FBXL7: variants seen among roughly 807,000 people sequenced by gnomAD.
FBXL7 encodes F-box/LRR-repeat protein 7.
FBXL7 carries 12 observed loss-of-function variants against 38.3 expected under a neutral mutation model. The observed-to-expected ratio is 0.31, with a 90% confidence interval of 0.20 to 0.51. The LOEUF (loss-of-function observed/expected upper bound fraction) is 0.51. FBXL7 is among the 20% of genes least tolerant of loss of function. FBXL7 has a pLI of 0.98. For missense variants in FBXL7, 567 were observed against 676.4 expected (o/e 0.84, Z 1.79); for synonymous variants, 297 against 300.9 (o/e 0.99, Z 0.13).
At chr5:15,560,895 T>G (rs966593102) in intron 1 of FBXL7, among the ~76,000 whole-genome samples, 10 of 152,208 alleles carry the variant, frequency 6.6e-5, no homozygotes, top group African/African-American at 2.4e-4. Context: ...TCATACTGTC[T>G]TCTTTTTGGT....
intron 2 of FBXL7, among the ~76,000 whole-genome samples, chr5:15,744,125 T>C (rs554492955): frequency 6.6e-6 from 1 of 152,354 alleles, no homozygotes; most frequent in South Asian, 2.1e-4. Context: ...GTCTTGGTGA[T>C]TAACATTTGG....
At chr5:15,893,008 C>T (rs531896167) in intron 2 of FBXL7, among the ~76,000 whole-genome samples, 9 of 151,526 alleles carry the variant, frequency 5.9e-5, no homozygotes, top group African/African-American at 9.7e-5. Flanking sequence ...CCCAGCTACT[C>T]GGGAGGCTGA....
chr5:15,838,184 A>T (rs1006407877), intron 2 of FBXL7, among the ~76,000 whole-genome samples: 2 of 152,160 alleles, frequency 1.3e-5, no homozygotes, highest in Non-Finnish European at 2.9e-5. Flanking sequence ...GTTTTAGTCC[A>T]TTCAGGCTGC....
chr5:15,932,416 G>A (rs1742060651), intron 3 of FBXL7, among the ~76,000 whole-genome samples: 1 of 152,156 alleles, frequency 6.6e-6, no homozygotes, highest in Admixed American at 6.5e-5. Flanking sequence ...ATAATGAGAG[G>A]AAGTGGTAAT....
At chr5:15,594,280 G>A (rs935879993) in intron 1 of FBXL7, among the ~76,000 whole-genome samples, 2 of 152,190 alleles carry the variant, frequency 1.3e-5, no homozygotes, top group Non-Finnish European at 1.5e-5. Context: ...CGTGGAGGGC[G>A]GACATATGGT....
intron 2 of FBXL7, among the ~76,000 whole-genome samples, chr5:15,786,247 A>AG (rs1225729175): frequency 2.6e-5 from 4 of 152,098 alleles, no homozygotes; most frequent in Non-Finnish European, 5.9e-5. Flanking sequence ...AGCGTTGGTG[A>AG]GGGGGGTGTT....
chr5:15,505,885 C>T (rs1416701785), intron 1 of FBXL7, among the ~76,000 whole-genome samples: 1 of 152,140 alleles, frequency 6.6e-6, no homozygotes, highest in Non-Finnish European at 1.5e-5. Flanking sequence ...ATGCCTAAAA[C>T]TTGGAGAGTA....
At chr5:15,660,008 G>T (rs989598832) in intron 2 of FBXL7, among the ~76,000 whole-genome samples, 2 of 152,182 alleles carry the variant, frequency 1.3e-5, no homozygotes, top group Non-Finnish European at 2.9e-5. Flanking sequence ...GCATGATAGT[G>T]AATTCCATAC....
At chr5:15,508,650 G>A (rs1388267947) in intron 1 of FBXL7, among the ~76,000 whole-genome samples, 1 of 152,122 alleles carries the variant, frequency 6.6e-6, no homozygotes, top group Non-Finnish European at 1.5e-5. Context: ...ATAATCACAT[G>A]TGATTATGTT....
At position 15,922,277 on chromosome 5, in the gene FBXL7, C is replaced by T. The variant is rs1174184605; in HGVS notation, c.128-5613C>T. 5.3e-5 allele frequency among the ~76,000 whole-genome samples: 8 copies of T among 151,998 alleles called. No individual in the cohort carries two copies. In the East Asian group the frequency reaches 1.4e-3, roughly 26 times the overall value. On this transcript the variant is annotated intron_variant, in intron 2 of 3. Transcript: ENST00000504595. The stretch of plus-strand genomic sequence containing the variant: ...GGATTTTAAAAAGGCACCTGCTCTA[C>T]ATATGTTCTGGAAGTTTTTTATGTG...
intron 2 of FBXL7, among the ~76,000 whole-genome samples, chr5:15,791,269 A>G (rs1221313257): frequency 6.6e-6 from 1 of 152,162 alleles, no homozygotes; most frequent in Non-Finnish European, 1.5e-5. Flanking sequence ...CAGGATCTCA[A>G]ATAAACCTAT....
intron 1 of FBXL7, among the ~76,000 whole-genome samples, chr5:15,560,564 T>C (rs1169969571): frequency 6.6e-6 from 1 of 152,190 alleles, no homozygotes; most frequent in Non-Finnish European, 1.5e-5. Flanking sequence ...CCCGACCAGA[T>C]AATGGACTCC....
At chr5:15,571,895 CTG>C (rs1738800524) in intron 1 of FBXL7, among the ~76,000 whole-genome samples, 2 of 152,202 alleles carry the variant, frequency 1.3e-5, no homozygotes, top group Middle Eastern at 3.4e-3. Flanking sequence ...GTGGTTCAGA[CTG>C]TGGCAAACTA....
At chr5:15,586,462 A>T (rs1580386686) in intron 1 of FBXL7, among the ~76,000 whole-genome samples, 1 of 151,646 alleles carries the variant, frequency 6.6e-6, no homozygotes, top group South Asian at 2.1e-4. Context: ...TATAACTTTC[A>T]TGAAGTGTTC....
intron 1 of FBXL7, among the ~76,000 whole-genome samples, chr5:15,556,504 G>C (rs1488910470): frequency 2.0e-5 from 3 of 152,116 alleles, no homozygotes; most frequent in African/African-American, 7.2e-5. Flanking sequence ...AGTTTTACCA[G>C]TTATCTGGGC....
chr5:15,892,875 T>A (rs539575458), intron 2 of FBXL7, among the ~76,000 whole-genome samples: 5 of 151,200 alleles, frequency 3.3e-5, no homozygotes, highest in Admixed American at 1.3e-4. Context: ...CCCAGCACTT[T>A]GGGAGGCCGA....
At chr5:15,594,961 T>C (rs1739582864) in intron 1 of FBXL7, among the ~76,000 whole-genome samples, 2 of 152,210 alleles carry the variant, frequency 1.3e-5, no homozygotes, top group African/African-American at 2.4e-5. Flanking sequence ...TTTAAAAATA[T>C]ATACCTGTAT....
In FBXL7 at chr5:15,659,574, A is replaced by G. The variant is rs1044540538; in HGVS notation, c.127+43502A>G. Among the ~76,000 whole-genome samples, 6 of 152,340 alleles carry G rather than the reference A, an allele frequency of 3.9e-5. 2 individuals carry two copies. Among genetic ancestry groups the G allele is most frequent in the Admixed American group, 3.9e-4 (6 of 15,306 alleles). On this transcript the variant is annotated intron_variant, in intron 2 of 3. Coordinates refer to ENST00000504595, the MANE Select transcript of FBXL7 (RefSeq NM_012304.5). ...CAAAAACATGGGGATTTAAAGATAC[A>G]CAAATGCATCCACACATAAATACAA... is the stretch of plus-strand genomic sequence containing the variant.
intron 2 of FBXL7, among the ~76,000 whole-genome samples, chr5:15,636,082 G>A (rs1413692233): frequency 2.0e-5 from 3 of 151,062 alleles, no homozygotes; most frequent in African/African-American, 7.3e-5. Flanking sequence ...GTGGGCAATG[G>A]GCTTGGCTTT....
Sources: allele counts gnomAD v4.1 joint callset (sites outside exome capture counted in the v4.1 genomes callset), GRCh38; gene constraint gnomAD v4.1.1; transcripts MANE v1.5; gene names NCBI Gene and HGNC (gene_info 2026-07-23, HGNC 2026-07-21).